Variants in NEMP2 observed in about 807,000 individuals in gnomAD.
The protein encoded by NEMP2 is UPF0571 transmembrane protein.
Under a neutral mutation model 54.2 loss-of-function variants are expected in NEMP2, and 53 were observed. The observed-to-expected ratio is 0.98, with a 90% CI of 0.78 to 1.23. The LOEUF (loss-of-function observed/expected upper bound fraction) is 1.23, where lower values mean the gene tolerates loss of function less well. NEMP2 is among the 50% of genes most tolerant of loss of function. The pLI is 0.00. For missense variants in NEMP2, 455 were observed against 511.3 expected, an observed-to-expected ratio of 0.89 and a Z score of 1.06; for synonymous variants, 197 against 190.3, an observed-to-expected ratio of 1.04 and a Z score of -0.29.
Position 190,508,308 on chromosome 2 carries a change from T to C in NEMP2, c.*881A>G, listed in dbSNP as rs1202911705. ...CAGTTAAATAGCAAGTTGGCCATTA[T>C]TGAAAAATAAAAAGTAAAGCCACCA... On this transcript the variant is annotated 3_prime_UTR_variant, in exon 9 of 9. Coordinates refer to ENST00000409150, the MANE Select transcript of NEMP2 (RefSeq NM_001142645.2). The surrounding 1 kb of genome is among the most constrained non-coding windows in gnomAD (Gnocchi z 4.3). 6.6e-6 allele frequency: 1 copy of C among 152,216 alleles called. No individual in the cohort carries two copies. The highest frequency in any genetic ancestry group is 1.5e-5 in the Non-Finnish European group (1 of 68,040). The allele number at this position is 152,216 out of a possible 1,614,324, so 9.4% of individuals were successfully genotyped here.
chr2:190,576,288 T>C, the NEMP2 span, among the ~76,000 whole-genome samples: 3 of 152,186 alleles, frequency 2.0e-5, no homozygotes, highest in Non-Finnish European at 2.9e-5. Context: ...CTTTTTGTAA[T>C]GTTTATTGCC....
the NEMP2 span, among the ~76,000 whole-genome samples, chr2:190,581,736 A>T: frequency 6.6e-6 from 1 of 152,222 alleles, no homozygotes; most frequent in Non-Finnish European, 1.5e-5. Context: ...GGGTATTAAA[A>T]ACCAATAAAT....
In NEMP2 at chr2:190,514,354, G is replaced by A. The variant is rs1053736594; in HGVS notation, c.953+99C>T. ...TCAGAATGAAATCTCCAGATCAAAT[G>A]TAATTATGAGATTAACATGATGTGT... is the stretch of plus-strand genomic sequence containing the variant. On this transcript the variant is annotated intron_variant, in intron 7 of 8. Transcript: ENST00000409150. This position sits in a 1 kb window ranked among gnomAD's most constrained non-coding sequence, Gnocchi z 5.7. The A allele has an allele frequency of 1.8e-5, 20 of 1,142,136 alleles. No homozygotes were observed. Among genetic ancestry groups the A allele is most frequent in the Non-Finnish European group, 2.4e-5 (19 of 788,180 alleles). 70.8% of individuals were successfully genotyped at this position (1,142,136 alleles called of 1,614,324 possible).
Position 190,509,454 on chromosome 2 carries a change from A to G in NEMP2, c.1131-142T>C. ...AGGGTGGCATTTACACAGTGGGTGTAAAAATGGGAATGGCTTATGTGATCC... is the reference window on the plus strand; with the variant it reads ...AGGGTGGCATTTACACAGTGGGTGTGAAAATGGGAATGGCTTATGTGATCC... On this transcript the variant is annotated intron_variant, in intron 8 of 8. Transcript: ENST00000409150. This position sits in a 1 kb window ranked among gnomAD's most constrained non-coding sequence, Gnocchi z 6.1. The G allele has an allele frequency of 1.1e-6, 1 of 892,156 alleles. No homozygotes were observed. The highest frequency in any genetic ancestry group is 1.7e-6 in the Non-Finnish European group (1 of 583,912). The allele number at this position is 892,156 out of a possible 1,614,324, so 55.3% of individuals were successfully genotyped here.
the NEMP2 span, among the ~76,000 whole-genome samples, chr2:190,424,343 AT>A: frequency 4.8e-5 from 7 of 145,284 alleles, no homozygotes; most frequent in African/African-American, 1.0e-4. The surrounding 1 kb of genome is among the most constrained non-coding windows in gnomAD (Gnocchi z 5.9). Context: ...TTATTTATTT[AT>A]TTTTTTTTCA....
chr2:190,427,835 G>A, the NEMP2 span, among the ~76,000 whole-genome samples: 9 of 151,996 alleles, frequency 5.9e-5, no homozygotes, highest in South Asian at 2.1e-4. Context: ...GGGTTCAAGC[G>A]ATTCTCCTGT....
At chr2:190,628,938 G>A in the NEMP2 span, among the ~76,000 whole-genome samples, 1 of 152,062 alleles carries the variant, frequency 6.6e-6, no homozygotes, top group Non-Finnish European at 1.5e-5. This position sits in a 1 kb window ranked among gnomAD's most constrained non-coding sequence, Gnocchi z 4.1. Context: ...TGACCACAAA[G>A]CACAATCATA....
At chr2:190,453,329 T>C in the NEMP2 span, among the ~76,000 whole-genome samples, 5 of 151,986 alleles carry the variant, frequency 3.3e-5, no homozygotes, top group African/African-American at 1.2e-4. Flanking sequence ...TTGGAACTTG[T>C]GGAATTTCTA....
chr2:190,555,879 G>C, the NEMP2 span, among the ~76,000 whole-genome samples: 2 of 152,172 alleles, frequency 1.3e-5, no homozygotes, highest in African/African-American at 4.8e-5. The surrounding 1 kb of genome is among the most constrained non-coding windows in gnomAD (Gnocchi z 4.8). Flanking sequence ...TGGATTCACA[G>C]CTGAATTCTA....
the NEMP2 span, among the ~76,000 whole-genome samples, chr2:190,543,224 A>G: frequency 1.3e-5 from 2 of 152,322 alleles, no homozygotes; most frequent in East Asian, 1.9e-4. The surrounding 1 kb of genome is among the most constrained non-coding windows in gnomAD (Gnocchi z 4.7). Context: ...AAGGCTGGCT[A>G]GGAGTTTGTG....
At chr2:190,493,780 CA>C in the NEMP2 span, among the ~76,000 whole-genome samples, 2 of 152,050 alleles carry the variant, frequency 1.3e-5, no homozygotes, top group African/African-American at 2.4e-5. Context: ...ATTGGGTCAA[CA>C]GCAAAATCAA....
At chr2:190,493,810 A>T in the NEMP2 span, among the ~76,000 whole-genome samples, 2 of 152,146 alleles carry the variant, frequency 1.3e-5, no homozygotes, top group Admixed American at 1.3e-4. Context: ...TTTAAAATTG[A>T]ACTGAACAAT....
At chr2:190,563,281 A>C in the NEMP2 span, among the ~76,000 whole-genome samples, 1 of 152,004 alleles carries the variant, frequency 6.6e-6, no homozygotes, top group Non-Finnish European at 1.5e-5. This position sits in a 1 kb window ranked among gnomAD's most constrained non-coding sequence, Gnocchi z 4.3. Context: ...ACACAGGCCC[A>C]GTGACCCGGC....
the NEMP2 span, among the ~76,000 whole-genome samples, chr2:190,645,977 T>C: frequency 1.3e-5 from 2 of 152,250 alleles, no homozygotes; most frequent in East Asian, 3.8e-4. Flanking sequence ...CATGACTTAC[T>C]TGTCTTTGTG....
At chr2:190,434,320 CA>C in the NEMP2 span, among the ~76,000 whole-genome samples, 1 of 152,164 alleles carries the variant, frequency 6.6e-6, no homozygotes, top group African/African-American at 2.4e-5. This position sits in a 1 kb window ranked among gnomAD's most constrained non-coding sequence, Gnocchi z 4.3. Context: ...ACACTTTAAT[CA>C]TTCAATCTTT....
the NEMP2 span, chr2:190,437,170 A>T: frequency 6.2e-7 from 1 of 1,614,096 alleles, no homozygotes; most frequent in Admixed American, 1.7e-5. The surrounding 1 kb of genome is among the most constrained non-coding windows in gnomAD (Gnocchi z 5.9). Flanking sequence ...TCTCATGACC[A>T]TGGCCTTGAT....
upstream of NEMP2, chr2:190,534,867 G>C: frequency 2.6e-6 from 1 of 385,988 alleles, no homozygotes; most frequent in East Asian, 3.8e-5. Context: ...GGCCCAGGCC[G>C]GAGGAGCTTT....
At position 190,513,066 on chromosome 2, in the gene NEMP2, G is replaced by C. The variant is rs146571069; in HGVS notation, c.953+1387C>G. Among the ~76,000 whole-genome samples, 1 of 152,224 alleles carries C rather than the reference G, an allele frequency of 6.6e-6. No individual in the cohort carries two copies. Among genetic ancestry groups the C allele is most frequent in the East Asian group, 1.9e-4 (1 of 5,174 alleles). ...CTCATCAGCTCTCGCCTGGACCACT[G>C]TGATGTCTGATAACTGTTCTCCTGC... On this transcript the variant is annotated intron_variant, in intron 7 of 8. Coordinates refer to ENST00000409150, the MANE Select transcript of NEMP2 (RefSeq NM_001142645.2). The surrounding 1 kb of genome is among the most constrained non-coding windows in gnomAD (Gnocchi z 5.3).
rs1325158597 is a variant in NEMP2 at position 190,528,282 on chromosome 2, T to A, written c.98-2904A>T. 6.6e-6 allele frequency among the ~76,000 whole-genome samples: 1 copy of A among 152,174 alleles called. No homozygotes were observed. The highest frequency in any genetic ancestry group is 6.5e-5 in the Admixed American group (1 of 15,284). ...CCTGGAAGATCCTGAGCAACTGCAA[T>A]GAGAAGACATGAGAACACATTAAAT... On this transcript the variant is annotated intron_variant, in intron 1 of 8. Transcript: ENST00000409150. The surrounding 1 kb of genome is among the most constrained non-coding windows in gnomAD (Gnocchi z 4.3).
Sources: gnomAD v4.1 joint callset for allele counts (sites outside exome capture counted in the v4.1 genomes callset) on GRCh38, gnomAD v4.1.1 for gene constraint, Gnocchi (gnomAD v3.1) non-coding constraint, MANE v1.5 for transcripts, NCBI Gene and HGNC (gene_info 2026-07-23, HGNC 2026-07-21) for gene names.